AGPAT3: variants seen among roughly 807,000 people sequenced by gnomAD.
The protein encoded by AGPAT3 is 1-acyl-sn-glycerol-3-phosphate acyltransferase gamma.
AGPAT3 carries 5 observed loss-of-function variants against 47.3 expected under a neutral mutation model. The observed-to-expected ratio is 0.11, with a 90% CI of 0.06 to 0.22. AGPAT3 has a LOEUF of 0.22. Ranked by LOEUF, AGPAT3 falls within the 10% of genes least tolerant of loss-of-function variation. The pLI is 1.00. For missense variants in AGPAT3, 315 were observed against 493.0 expected, an observed-to-expected ratio of 0.64 and a Z score of 3.42; for synonymous variants, 212 against 208.3, an observed-to-expected ratio of 1.02 and a Z score of -0.15.
intron 8 of AGPAT3, among the ~76,000 whole-genome samples, chr21:43,978,918 C>T (rs2838459): frequency 0.054 from 8,179 of 152,202 alleles, 627 homozygotes; most frequent in African/African-American, 0.17. Context: ...TTTCCACTGT[C>T]GGCCTTGTGG....
intron 2 of AGPAT3, among the ~76,000 whole-genome samples, chr21:43,947,374 A>AG (rs2087942966): frequency 6.6e-6 from 1 of 152,234 alleles, no homozygotes; most frequent in African/African-American, 2.4e-5. Flanking sequence ...GAGAGCGTGC[A>AG]GCCGTGTGGG....
intron 2 of AGPAT3, among the ~76,000 whole-genome samples, chr21:43,904,691 T>TA (rs959776641): frequency 4.6e-5 from 7 of 152,266 alleles, no homozygotes; most frequent in African/African-American, 1.4e-4. Context: ...CCCGTCGTCA[T>TA]AGGGCCCCTG....
chr21:43,947,320 C>T (rs1355842187), intron 2 of AGPAT3, among the ~76,000 whole-genome samples: 3 of 152,224 alleles, frequency 2.0e-5, no homozygotes, highest in Non-Finnish European at 2.9e-5. Context: ...CAGAAGTGGC[C>T]TGGGGGCCCT....
intron 3 of AGPAT3, chr21:43,967,687 G>C (rs2089196562): frequency 4.4e-6 from 2 of 458,164 alleles, no homozygotes; most frequent in Non-Finnish European, 7.9e-6. Flanking sequence ...AGCGTAATTG[G>C]GCGTAAAGAT....
At chr21:43,865,459 A>T (rs1411795517) in intron 1 of AGPAT3, 114 bp downstream of exon 1, 1 of 145,390 alleles carries the variant, frequency 6.9e-6, no homozygotes, top group South Asian at 2.1e-4. Context: ...CAGCCGTCCG[A>T]CCTCGGGCCG....
chr21:43,953,702 A>G (rs904907518), intron 2 of AGPAT3, among the ~76,000 whole-genome samples: 2 of 152,254 alleles, frequency 1.3e-5, no homozygotes, highest in African/African-American at 4.8e-5. Context: ...ACAGGTGCCA[A>G]TGGTGGCTGT....
intron 7 of AGPAT3, among the ~76,000 whole-genome samples, chr21:43,977,074 T>C (rs1412344576): frequency 6.6e-6 from 1 of 152,254 alleles, no homozygotes; most frequent in Admixed American, 6.5e-5. Context: ...AATTTTCCGA[T>C]TAGATTTGTC....
chr21:43,877,986 G>A (rs568347612), intron 1 of AGPAT3, among the ~76,000 whole-genome samples: 65 of 151,158 alleles, frequency 4.3e-4, no homozygotes, highest in African/African-American at 1.3e-3. Flanking sequence ...CCTCGCTTTC[G>A]ACTGAGACTG....
chr21:43,869,422 A>C lies in AGPAT3; in HGVS notation c.-112+4077A>C, dbSNP rs575771085. Among the ~76,000 whole-genome samples, 24 of 152,372 alleles carry C rather than the reference A, an allele frequency of 1.6e-4. No individual in the cohort carries two copies. In the South Asian group the frequency reaches 5.0e-3, roughly 32 times the overall value. ...ATTAACCAGTTGTTATACTTTGTAA[A>C]ATATGGTGTACTAGCATTGATTTTT... On this transcript the variant is annotated intron_variant, in intron 1 of 9. Transcript: ENST00000291572.
intron 2 of AGPAT3, among the ~76,000 whole-genome samples, chr21:43,944,204 C>T (rs1366582336): frequency 6.6e-6 from 1 of 152,270 alleles, no homozygotes; most frequent in Non-Finnish European, 1.5e-5. Context: ...CTCCCCACCT[C>T]GGAAATGCAG....
intron 2 of AGPAT3, among the ~76,000 whole-genome samples, chr21:43,918,138 T>G (rs113932827): frequency 4.1e-5 from 6 of 145,126 alleles, no homozygotes; most frequent in African/African-American, 1.5e-4. Flanking sequence ...GGGTTGTGGG[T>G]GTTGGAGTTG....
intron 2 of AGPAT3, among the ~76,000 whole-genome samples, chr21:43,951,086 C>A (rs2088170127): frequency 6.6e-6 from 1 of 152,220 alleles, no homozygotes; most frequent in Non-Finnish European, 1.5e-5. Flanking sequence ...TCCCCAGCAC[C>A]CAAGAGCCCG....
At chr21:43,907,980 C>A (rs1275290092) in intron 2 of AGPAT3, among the ~76,000 whole-genome samples, 1 of 152,210 alleles carries the variant, frequency 6.6e-6, no homozygotes, top group African/African-American at 2.4e-5. Flanking sequence ...GTAGTCCCCA[C>A]CCTCGTGGAA....
chr21:43,909,961 G>A (rs1166563788), intron 2 of AGPAT3, among the ~76,000 whole-genome samples: 1 of 152,186 alleles, frequency 6.6e-6, no homozygotes, highest in Admixed American at 6.5e-5. Context: ...GCACCAGGGT[G>A]CCCCAGGACA....
intron 2 of AGPAT3, among the ~76,000 whole-genome samples, chr21:43,927,719 G>T (rs1482153083): frequency 3.3e-5 from 5 of 152,172 alleles, no homozygotes; most frequent in Non-Finnish European, 1.5e-5. Flanking sequence ...TTTGAGTCCT[G>T]ATTCTGCTAC....
intron 2 of AGPAT3, among the ~76,000 whole-genome samples, chr21:43,946,107 C>A (rs1454265255): frequency 6.6e-6 from 1 of 152,238 alleles, no homozygotes; most frequent in African/African-American, 2.4e-5. Flanking sequence ...CAATGCCATT[C>A]CCCTGCAGGC....
At chr21:43,916,144 T>A (rs2086723508) in intron 2 of AGPAT3, 1 of 152,252 alleles carries the variant, frequency 6.6e-6, no homozygotes, top group Admixed American at 6.5e-5. Flanking sequence ...ATTTCTTTGC[T>A]GCTTAATATA....
intron 2 of AGPAT3, among the ~76,000 whole-genome samples, chr21:43,910,062 AGCGTGACC>A (rs2086596156): frequency 6.6e-6 from 1 of 152,192 alleles, no homozygotes; most frequent in South Asian, 2.1e-4. Flanking sequence ...TAAAACCCAC[AGCGTGACC>A]CGTGGCTGGG....
chr21:43,982,190 G>A lies in AGPAT3; in HGVS notation c.1043-114G>A, dbSNP rs944732621. Reference sequence around the variant, plus strand: ...TCACTGACAGCAGAGGCCACTGGGTGCGGGGCAGAGGGACAGGGTCTGGGG... The same window carrying A: ...TCACTGACAGCAGAGGCCACTGGGTACGGGGCAGAGGGACAGGGTCTGGGG... On this transcript the variant is annotated intron_variant, in intron 9 of 9. Coordinates refer to ENST00000291572, the MANE Select transcript of AGPAT3 (RefSeq NM_020132.5). The surrounding 1 kb of genome is among the most constrained non-coding windows in gnomAD (Gnocchi z 6.2). 6.6e-6 allele frequency: 5 copies of A among 752,928 alleles called. No individual in the cohort carries two copies. Among genetic ancestry groups the A allele is most frequent in the African/African-American group, 5.3e-5 (3 of 57,066 alleles). 46.6% of individuals were successfully genotyped at this position (752,928 alleles called of 1,614,324 possible). A position where few individuals can be genotyped will look rare whatever the true frequency, so the allele number is the denominator to read the frequency against.
Sources: gnomAD v4.1 joint callset for allele counts (sites outside exome capture counted in the v4.1 genomes callset) on GRCh38, gnomAD v4.1.1 for gene constraint, Gnocchi (gnomAD v3.1) non-coding constraint, MANE v1.5 for transcripts, NCBI Gene and HGNC (gene_info 2026-07-23, HGNC 2026-07-21) for gene names.